Variants in SNAPC1 observed in about 807,000 individuals in gnomAD.
SNAPC1 encodes snRNA-activating protein complex subunit 1.
In SNAPC1, 42 loss-of-function variants were observed where a neutral mutation model predicts 50.1. The observed-to-expected ratio is 0.84, with a 90% CI of 0.65 to 1.08. The LOEUF (loss-of-function observed/expected upper bound fraction) is 1.08, where lower values mean the gene tolerates loss of function less well. SNAPC1 is among the 50% of genes least tolerant of loss of function. The pLI, the probability that SNAPC1 is intolerant of heterozygous loss-of-function variation, is 0.00. For missense variants in SNAPC1, 477 were observed against 427.3 expected, an observed-to-expected ratio of 1.12 and a Z score of -1.02; for synonymous variants, 164 against 144.2, an observed-to-expected ratio of 1.14 and a Z score of -0.98.
chr14:61,771,673 G>A (rs946448434), intron 4 of SNAPC1, among the ~76,000 whole-genome samples: 8 of 152,298 alleles, frequency 5.3e-5, no homozygotes, highest in African/African-American at 1.4e-4. Context: ...CTAGTTAGAG[G>A]GAATGGTTGT....
rs1388457219 is a variant in SNAPC1 at position 61,795,636 on chromosome 14, G to A, written c.*653G>A. The A allele has an allele frequency of 6.6e-6, 1 of 151,558 alleles. No homozygotes were observed. Among genetic ancestry groups the A allele is most frequent in the Non-Finnish European group, 1.5e-5 (1 of 67,886 alleles). 9.4% of individuals were successfully genotyped at this position (151,558 alleles called of 1,614,324 possible). On this transcript the variant is annotated 3_prime_UTR_variant, in exon 10 of 10. Coordinates refer to ENST00000216294, the MANE Select transcript of SNAPC1 (RefSeq NM_003082.4). Reference sequence around the variant, plus strand: ...AAATACTAATGTATTAAGTATTTAAGTACTTTCTAATAAAATCTTTAACAA... The same window carrying A: ...AAATACTAATGTATTAAGTATTTAAATACTTTCTAATAAAATCTTTAACAA...
intron 7 of SNAPC1, among the ~76,000 whole-genome samples, chr14:61,780,176 A>T (rs1009643277): frequency 6.6e-6 from 1 of 152,166 alleles, no homozygotes; most frequent in Non-Finnish European, 1.5e-5. Flanking sequence ...GGAGGGTGGG[A>T]AATAAGCCCA....
At chr14:61,762,815 T>TAGAG (rs2044916706) in intron 1 of SNAPC1, among the ~76,000 whole-genome samples, 1 of 151,936 alleles carries the variant, frequency 6.6e-6, no homozygotes, top group Non-Finnish European at 1.5e-5. Context: ...TATGCGTCTC[T>TAGAG]GCCTGGCCTC....
rs758944032 is a variant in SNAPC1 at position 61,796,370 on chromosome 14, C to G, written c.*1387C>G. The G allele has an allele frequency of 6.6e-6, 1 of 151,914 alleles. No homozygotes were observed. The highest frequency in any genetic ancestry group is 2.4e-5 in the African/African-American group (1 of 41,368). 9.4% of individuals were successfully genotyped at this position (151,914 alleles called of 1,614,324 possible). The stretch of plus-strand genomic sequence containing the variant: ...GATCAAATTCGTGATATCTCTATAT[C>G]TAATCTTTAAAAATCAGAATGCTAA... On this transcript the variant is annotated 3_prime_UTR_variant, in exon 10 of 10. Coordinates refer to ENST00000216294, the MANE Select transcript of SNAPC1 (RefSeq NM_003082.4).
chr14:61,792,049 G>A (rs2045155534), intron 8 of SNAPC1, among the ~76,000 whole-genome samples: 1 of 150,772 alleles, frequency 6.6e-6, no homozygotes, highest in Non-Finnish European at 1.5e-5. Flanking sequence ...GTTGCAATGA[G>A]CCAAGATCGC....
At chr14:61,776,668 A>C (rs551087469) in intron 5 of SNAPC1, among the ~76,000 whole-genome samples, 2 of 152,194 alleles carry the variant, frequency 1.3e-5, no homozygotes, top group Admixed American at 6.5e-5. Flanking sequence ...ACTTCACCTA[A>C]AATTCTAGAC....
Position 61,795,060 on chromosome 14 carries a change from A to G in SNAPC1, c.*77A>G. On this transcript the variant is annotated 3_prime_UTR_variant, in exon 10 of 10. Coordinates refer to ENST00000216294, the MANE Select transcript of SNAPC1 (RefSeq NM_003082.4). ...ATTGATATTTTGTGTATTGAACAGG[A>G]AGACTGCCAGTATTAAAAAAATCCT... is the stretch of plus-strand genomic sequence containing the variant. 1 of 911,870 alleles carries G rather than the reference A, an allele frequency of 1.1e-6. No homozygotes were observed. 56.5% of individuals were successfully genotyped at this position (911,870 alleles called of 1,614,324 possible). A position where few individuals can be genotyped will look rare whatever the true frequency, so the allele number is the denominator to read the frequency against.
At chr14:61,774,367 C>T (rs1054118006) in intron 4 of SNAPC1, among the ~76,000 whole-genome samples, 1 of 152,094 alleles carries the variant, frequency 6.6e-6, no homozygotes, top group East Asian at 1.9e-4. Context: ...TTGTTTAATA[C>T]TTAACAATGG....
chr14:61,763,015 G>T (rs2044919323), intron 1 of SNAPC1, among the ~76,000 whole-genome samples: 1 of 84,422 alleles, frequency 1.2e-5, no homozygotes. Flanking sequence ...TTTTGAGACG[G>T]AGTCTCCTTT....
intron 1 of SNAPC1, among the ~76,000 whole-genome samples, chr14:61,763,849 G>T (rs1484821919): frequency 6.6e-6 from 1 of 152,012 alleles, no homozygotes; most frequent in Non-Finnish European, 1.5e-5. Context: ...TAAAATAGAG[G>T]CAATGATAAA....
intron 4 of SNAPC1, among the ~76,000 whole-genome samples, chr14:61,772,763 A>T (rs181283505): frequency 3.3e-5 from 5 of 152,346 alleles, no homozygotes; most frequent in South Asian, 2.1e-4. Flanking sequence ...CTTTTTCAAC[A>T]TGCTTTTTCA....
intron 1 of SNAPC1, among the ~76,000 whole-genome samples, chr14:61,762,979 G>GTGTTTTT (rs1384010616): frequency 1.3e-5 from 1 of 74,366 alleles, no homozygotes; most frequent in Non-Finnish European, 2.7e-5. Flanking sequence ...AACCAAAGTT[G>GTGTTTTT]TCTTTTTTTT....
At chr14:61,793,919 G>C (rs1203270363) in intron 9 of SNAPC1, among the ~76,000 whole-genome samples, 1 of 152,122 alleles carries the variant, frequency 6.6e-6, no homozygotes, top group Non-Finnish European at 1.5e-5. Flanking sequence ...GCTTCCCAAA[G>C]TGCTGGGATT....
intron 1 of SNAPC1, 27 bp from the exon 2 acceptor site, chr14:61,766,849 G>A (rs749298195): frequency 1.9e-5 from 27 of 1,455,866 alleles, no homozygotes; most frequent in African/African-American, 2.8e-5. Flanking sequence ...TTAATGAGTC[G>A]TAATATATTT....
rs192730412 is a variant in SNAPC1, at chr14:61,769,969, C to T, written c.534+1229C>T. Among the ~76,000 whole-genome samples the T allele has an allele frequency of 9.1e-4, 139 of 152,162 alleles. 1 individual carries two copies. The East Asian group carries it at 0.018, about 19-fold the overall frequency. On this transcript the variant is annotated intron_variant, in intron 4 of 9. Transcript: ENST00000216294. ...CGAGAGGGTAAGGGGACACTTTGGT[C>T]GTGCTTTTAAATTTTCTTTAAGCCT...
intron 8 of SNAPC1, among the ~76,000 whole-genome samples, chr14:61,792,115 A>G (rs1030026323): frequency 6.6e-6 from 1 of 151,880 alleles, no homozygotes; most frequent in Non-Finnish European, 1.5e-5. Flanking sequence ...AAGAAAAAAA[A>G]AAAAAAGCAA....
Position 61,778,929 on chromosome 14 carries a change from A to G in SNAPC1, c.825+19A>G, listed in dbSNP as rs1471155582. On this transcript the variant is annotated intron_variant, in intron 7 of 9. Transcript: ENST00000216294. ...CATACAGGTAAGTTATTCTTTAATA[A>G]GGTAATTTGGAAATTGACTGCTTTT... 7.2e-7 allele frequency: 1 copy of G among 1,385,490 alleles called. No homozygotes were observed. Among genetic ancestry groups the G allele is most frequent in the East Asian group, 2.4e-5 (1 of 42,380 alleles). 85.8% of individuals were successfully genotyped at this position (1,385,490 alleles called of 1,614,324 possible).
At chr14:61,774,656 T>C (rs1045641717) in intron 4 of SNAPC1, among the ~76,000 whole-genome samples, 50 of 98,268 alleles carry the variant, frequency 5.1e-4, no homozygotes, top group African/African-American at 2.1e-3. Flanking sequence ...TCATTTTTTT[T>C]TTTTTTTTTT....
At chr14:61,774,647 C>CTT (rs770510028) in intron 4 of SNAPC1, among the ~76,000 whole-genome samples, 14 of 87,796 alleles carry the variant, frequency 1.6e-4, no homozygotes, top group Non-Finnish European at 2.5e-4. Context: ...ATCAGTTTCT[C>CTT]ATTTTTTTTT....
Sources: allele counts gnomAD v4.1 joint callset (sites outside exome capture counted in the v4.1 genomes callset), GRCh38; gene constraint gnomAD v4.1.1; transcripts MANE v1.5; gene names NCBI Gene and HGNC (gene_info 2026-07-23, HGNC 2026-07-21).